Variants in SLC12A1 observed in about 807,000 individuals in gnomAD.
SLC12A1 encodes the protein Na-K-2Cl cotransporter.
SLC12A1 carries 89 observed loss-of-function variants against 130.4 expected under a neutral mutation model. The ratio of observed to expected loss-of-function variants is 0.68; its 90% CI spans 0.58 to 0.81. The LOEUF is 0.81. SLC12A1 is among the 40% of genes least tolerant of loss of function. SLC12A1 has a pLI of 0.00. For synonymous variants in SLC12A1, 499 were observed against 460.0 expected (o/e 1.08, Z -1.09); for missense variants, 1,310 against 1,336.4 (o/e 0.98, Z 0.31).
chr15:48,259,408 T>A (rs896202074), intron 17 of SLC12A1, 97 bp downstream of exon 17: 18 of 862,324 alleles, frequency 2.1e-5, no homozygotes, highest in Admixed American at 7.0e-5. Flanking sequence ...GACAGGAAAA[T>A]AGCAAAAAAA....
intron 20 of SLC12A1, among the ~76,000 whole-genome samples, chr15:48,282,195 T>G (rs1295319551): frequency 6.6e-6 from 1 of 152,202 alleles, no homozygotes; most frequent in Admixed American, 6.5e-5. Context: ...GATTTTAGCC[T>G]TTAGAATAAA....
rs553459441 is a variant in SLC12A1 at position 48,226,392 on chromosome 15, G to C, written c.629-84G>C. ...CCGAGGCATGGACCTGAAAACTTAAGTTAAAGGCAGTGTAGTTTGCAGCAA... is the reference window on the plus strand; with the variant it reads ...CCGAGGCATGGACCTGAAAACTTAACTTAAAGGCAGTGTAGTTTGCAGCAA... On this transcript the variant is annotated intron_variant, in intron 4 of 26. Transcript: ENST00000380993. 3 of 823,448 alleles carry C rather than the reference G, an allele frequency of 3.6e-6. No homozygotes were observed. The African/African-American group carries it at 5.3e-5, about 15-fold the overall frequency. The allele number at this position is 823,448 out of a possible 1,614,324, so 51.0% of individuals were successfully genotyped here. A position where few individuals can be genotyped will look rare whatever the true frequency, so the allele number is the denominator to read the frequency against.
intron 6 of SLC12A1, among the ~76,000 whole-genome samples, chr15:48,229,643 G>C (rs1296205863): frequency 1.3e-5 from 2 of 152,214 alleles, no homozygotes; most frequent in Non-Finnish European, 2.9e-5. Flanking sequence ...ACAAAATATT[G>C]TGTAAAATAT....
At chr15:48,209,013 T>G (rs2041018497) in intron 2 of SLC12A1, among the ~76,000 whole-genome samples, 1 of 152,206 alleles carries the variant, frequency 6.6e-6, no homozygotes, top group East Asian at 1.9e-4. Flanking sequence ...TTTTCATTAT[T>G]TAAGAAATAC....
At chr15:48,270,451 A>G (rs982485165) in intron 19 of SLC12A1, among the ~76,000 whole-genome samples, 3 of 151,866 alleles carry the variant, frequency 2.0e-5, no homozygotes, top group Admixed American at 1.3e-4. Flanking sequence ...GGAGAAAAAG[A>G]CATTAAAAAT....
chr15:48,248,546 T>G (rs569675778), intron 13 of SLC12A1, among the ~76,000 whole-genome samples: 1 of 152,360 alleles, frequency 6.6e-6, no homozygotes, highest in East Asian at 1.9e-4. Context: ...CCTACTTTCT[T>G]GTTGGTATCC....
At chr15:48,217,016 C>CG (rs2041129937) in intron 2 of SLC12A1, among the ~76,000 whole-genome samples, 3 of 152,030 alleles carry the variant, frequency 2.0e-5, no homozygotes, top group Non-Finnish European at 4.4e-5. Flanking sequence ...GATGTACTGC[C>CG]AGTGGAAAAT....
rs1463848715 is a variant in SLC12A1 at position 48,274,641 on chromosome 15, C to T, written c.2473C>T (p.Leu825Phe). The stretch of plus-strand genomic sequence containing the variant: ...CCAAGGATTTGACATCTCTCAGGTT[C>T]TTCAGGTGCAAGGTATGTACTTTCT... ...ISQGFDISQV[L>F]QVQEELERLE... is the part of the protein sequence containing the mutation. Residue 825 changes from leucine to phenylalanine, a missense_variant, in exon 20 of 27, where the codon CTT (leucine) becomes TTT (phenylalanine). Transcript: ENST00000380993. The T allele has an allele frequency of 1.9e-6, 3 of 1,611,048 alleles. No homozygotes were observed. The Admixed American group carries it at 5.0e-5, about 27-fold the overall frequency.
At chr15:48,251,018 C>T (rs533973361) in intron 14 of SLC12A1, among the ~76,000 whole-genome samples, 1 of 152,178 alleles carries the variant, frequency 6.6e-6, no homozygotes, top group South Asian at 2.1e-4. Context: ...CACATTAACA[C>T]ATTGGGTTTA....
At chr15:48,218,264 T>C (rs946580479) in intron 2 of SLC12A1, among the ~76,000 whole-genome samples, 1 of 152,214 alleles carries the variant, frequency 6.6e-6, no homozygotes, top group African/African-American at 2.4e-5. Flanking sequence ...CTTATGACTC[T>C]GTATTATGCT....
At chr15:48,284,062 T>C (rs1438836598) in intron 20 of SLC12A1, among the ~76,000 whole-genome samples, 2 of 152,186 alleles carry the variant, frequency 1.3e-5, no homozygotes, top group Non-Finnish European at 2.9e-5. Flanking sequence ...GCTTGGATAG[T>C]GTGTCTCAAC....
chr15:48,242,356 C>A (rs1179893200), intron 10 of SLC12A1, among the ~76,000 whole-genome samples: 1 of 152,146 alleles, frequency 6.6e-6, no homozygotes, highest in Non-Finnish European at 1.5e-5. Flanking sequence ...ACCATGGAAG[C>A]CAAAGGGTAC....
At chr15:48,246,857 A>G (rs1482876465) in intron 11 of SLC12A1, 52 bp from the exon 12 acceptor site, 1 of 1,229,164 alleles carries the variant, frequency 8.1e-7, no homozygotes, top group Non-Finnish European at 1.2e-6. Flanking sequence ...TTTGCTTATG[A>G]AACAGATTCC....
Position 48,275,918 on chromosome 15 carries a change from G to A in SLC12A1, c.2485+1265G>A, listed in dbSNP as rs538133502. Among the ~76,000 whole-genome samples, 15 of 152,200 alleles carry A rather than the reference G, an allele frequency of 9.9e-5. No individual in the cohort carries two copies. In the South Asian group the frequency reaches 1.9e-3, roughly 19 times the overall value. On this transcript the variant is annotated intron_variant, in intron 20 of 26. Transcript: ENST00000380993. Reference sequence around the variant, plus strand: ...TGGGTTTTAGATATCATGCTCTTTCGGTTATATGGGGCATGGACTCAGGAC... The same window carrying A: ...TGGGTTTTAGATATCATGCTCTTTCAGTTATATGGGGCATGGACTCAGGAC...
chr15:48,272,575 C>T (rs147598113), intron 19 of SLC12A1, among the ~76,000 whole-genome samples: 1 of 152,192 alleles, frequency 6.6e-6, no homozygotes, highest in African/African-American at 2.4e-5. Flanking sequence ...TACAGGTGCA[C>T]ACCACCATGC....
At chr15:48,253,367 A>T (rs553947608) in intron 15 of SLC12A1, among the ~76,000 whole-genome samples, 1 of 152,220 alleles carries the variant, frequency 6.6e-6, no homozygotes, top group Non-Finnish European at 1.5e-5. Context: ...ACTTAGCCTC[A>T]GGCAGCTGCT....
chr15:48,255,636 A>G lies in SLC12A1; in HGVS notation c.1943-175A>G, dbSNP rs36071653. Among the ~76,000 whole-genome samples, 3,640 of 152,310 alleles carry G rather than the reference A, an allele frequency of 0.024. 70 individuals are homozygous for G. The highest frequency in any genetic ancestry group is 0.044 in the African/African-American group (1,834 of 41,568). Reference sequence around the variant, plus strand: ...TTCTGAAGATTCACGTAGTATTCATAGAAGGATACAAAGTGCTTTTTAGGA... The same window carrying G: ...TTCTGAAGATTCACGTAGTATTCATGGAAGGATACAAAGTGCTTTTTAGGA... On this transcript the variant is annotated intron_variant, in intron 15 of 26. Coordinates refer to ENST00000380993, the MANE Select transcript of SLC12A1 (RefSeq NM_000338.3).
At chr15:48,221,630 G>T (rs1484424186) in intron 4 of SLC12A1, among the ~76,000 whole-genome samples, 1 of 152,100 alleles carries the variant, frequency 6.6e-6, no homozygotes, top group Non-Finnish European at 1.5e-5. Context: ...GTTGTTTAAT[G>T]TTTTAAATAT....
At chr15:48,249,519 T>G (rs2041623403) in intron 13 of SLC12A1, 56 bp from the exon 14 acceptor site, 1 of 1,291,834 alleles carries the variant, frequency 7.7e-7, no homozygotes, top group African/African-American at 1.5e-5. Flanking sequence ...ATAACAGCTG[T>G]TCAGCCCCTG....
Sources: allele counts gnomAD v4.1 joint callset (sites outside exome capture counted in the v4.1 genomes callset), GRCh38; gene constraint gnomAD v4.1.1; transcripts MANE v1.5; gene names NCBI Gene and HGNC (gene_info 2026-07-23, HGNC 2026-07-21).